The following SHISAL2B variants were observed in gnomAD, a reference collection of about 807,000 sequenced individuals.
SHISAL2B encodes shisa like 2B, also known as protein shisa-like-2B.
In SHISAL2B, 12 loss-of-function variants were observed where a neutral mutation model predicts 16.5. The ratio of observed to expected loss-of-function variants is 0.73; its 90% CI spans 0.47 to 1.18. The LOEUF is 1.18. SHISAL2B is among the 50% of genes most tolerant of loss of function. The probability of loss-of-function intolerance (pLI) is 0.00; values close to 1 mark genes in which losing one functional copy is unlikely to be tolerated. For synonymous variants in SHISAL2B, 72 were observed against 75.0 expected (o/e 0.96, Z 0.21); for missense variants, 183 against 193.6 (o/e 0.95, Z 0.33).
intron 1 of SHISAL2B, chr5:64,691,614 G>T (rs1482450195): frequency 1.3e-5 from 2 of 152,090 alleles, no homozygotes; most frequent in Non-Finnish European, 2.9e-5. Context: ...CTAAGGTGAG[G>T]TCTTTCTTGT....
At chr5:64,710,602 C>T (rs76045248) in intron 2 of SHISAL2B, among the ~76,000 whole-genome samples, 1,317 of 69,516 alleles carry the variant, frequency 0.019, 16 homozygotes, top group East Asian at 0.049. Context: ...ATGGAGATGG[C>T]ATTGAATCTG....
intron 2 of SHISAL2B, among the ~76,000 whole-genome samples, chr5:64,715,918 GT>G (rs1742042994): frequency 6.6e-6 from 1 of 152,154 alleles, no homozygotes; most frequent in African/African-American, 2.4e-5. Context: ...GAAGATGTCT[GT>G]AAGTTTTAGA....
intron 2 of SHISAL2B, among the ~76,000 whole-genome samples, chr5:64,717,491 A>G (rs1172409549): frequency 3.3e-5 from 5 of 152,172 alleles, no homozygotes; most frequent in African/African-American, 1.2e-4. Flanking sequence ...AACCACATCT[A>G]AATCAGTTAT....
chr5:64,702,139 G>C (rs1483445130), intron 2 of SHISAL2B, among the ~76,000 whole-genome samples: 1 of 151,896 alleles, frequency 6.6e-6, no homozygotes, highest in Admixed American at 6.6e-5. Context: ...GAAAATATAG[G>C]TAACTGTATT....
At chr5:64,694,435 T>C (rs1741699063) in intron 1 of SHISAL2B, among the ~76,000 whole-genome samples, 1 of 152,368 alleles carries the variant, frequency 6.6e-6, no homozygotes, top group Middle Eastern at 3.4e-3. Context: ...TCTTTCAAGA[T>C]AATGCTTTTT....
intron 2 of SHISAL2B, among the ~76,000 whole-genome samples, chr5:64,715,046 C>T (rs547067377): frequency 5.3e-5 from 8 of 152,070 alleles, no homozygotes; most frequent in African/African-American, 1.7e-4. Context: ...TGTTACTATT[C>T]GGCCATCTTG....
intron 2 of SHISAL2B, among the ~76,000 whole-genome samples, chr5:64,709,360 C>A (rs187082032): frequency 2.8e-4 from 43 of 151,710 alleles, no homozygotes; most frequent in African/African-American, 9.9e-4. Context: ...CTACAAAGGA[C>A]ATGAACTCAT....
chr5:64,710,034 A>G (rs1309239729), intron 2 of SHISAL2B, among the ~76,000 whole-genome samples: 81 of 148,984 alleles, frequency 5.4e-4, no homozygotes, highest in African/African-American at 2.0e-3. Context: ...GAAGCTCTTT[A>G]GTTTAATGAG....
chr5:64,708,449 G>A (rs2112068250), intron 2 of SHISAL2B, among the ~76,000 whole-genome samples: 1 of 152,140 alleles, frequency 6.6e-6, no homozygotes, highest in South Asian at 2.1e-4. Context: ...TTCAAAAACA[G>A]GTGAAAACCT....
Position 64,718,097 on chromosome 5 carries a change from G to T in SHISAL2B, c.*75G>T. ...ATAAAGCGTGCACTTGAAACGGTTT[G>T]TAATATTGCTTTTCAAAAATTCGTC... is the stretch of plus-strand genomic sequence containing the variant. On this transcript the variant is annotated 3_prime_UTR_variant, in exon 3 of 3. Coordinates refer to ENST00000389074, the MANE Select transcript of SHISAL2B (RefSeq NM_001164442.2). 2 of 1,285,482 alleles carry T rather than the reference G, an allele frequency of 1.6e-6. No homozygotes were observed. Among genetic ancestry groups the T allele is most frequent in the Non-Finnish European group, 2.0e-6 (2 of 988,418 alleles). 79.6% of individuals were successfully genotyped at this position (1,285,482 alleles called of 1,614,324 possible). A position where few individuals can be genotyped will look rare whatever the true frequency, so the allele number is the denominator to read the frequency against.
Position 64,690,668 on chromosome 5 carries a change from C to T in SHISAL2B, c.45C>T (p.Asn15=). 1 of 1,533,376 alleles carries T rather than the reference C, an allele frequency of 6.5e-7. No homozygotes were observed. The highest frequency in any genetic ancestry group is 8.7e-7 in the Non-Finnish European group (1 of 1,145,392). The allele number at this position is 1,533,376 out of a possible 1,614,324, so 95.0% of individuals were successfully genotyped here. A position where few individuals can be genotyped will look rare whatever the true frequency, so the allele number is the denominator to read the frequency against. ...SRLCSGYYSL[N]QSFVEPFQCP... ...TGTGCTCCGGCTACTACAGCCTCAA[C>T]CAGAGCTTCGTGGAGCCCTTCCAGT... is the stretch of plus-strand genomic sequence containing the variant. The change falls in exon 1 of 3, where the codon AAC becomes AAT. Residue 15 remains asparagine (N), a synonymous_variant. Transcript: ENST00000389074.
At chr5:64,709,850 T>C (rs1166676104) in intron 2 of SHISAL2B, among the ~76,000 whole-genome samples, 2 of 152,204 alleles carry the variant, frequency 1.3e-5, no homozygotes, top group African/African-American at 4.8e-5. Flanking sequence ...TTGAGAAGTG[T>C]CTGTTCATGT....
At chr5:64,715,424 T>C (rs527870009) in intron 2 of SHISAL2B, among the ~76,000 whole-genome samples, 1 of 152,110 alleles carries the variant, frequency 6.6e-6, no homozygotes, top group Non-Finnish European at 1.5e-5. Flanking sequence ...TGGCAGATTT[T>C]CTAAAACCTG....
chr5:64,696,448 G>T (rs2112057601), intron 2 of SHISAL2B, among the ~76,000 whole-genome samples: 1 of 152,310 alleles, frequency 6.6e-6, no homozygotes, highest in East Asian at 1.9e-4. Flanking sequence ...TGCCTGCGGG[G>T]TTGGGCAGAA....
chr5:64,704,360 T>C (rs1339288213), intron 2 of SHISAL2B, among the ~76,000 whole-genome samples: 3 of 152,262 alleles, frequency 2.0e-5, no homozygotes, highest in Non-Finnish European at 4.4e-5. Flanking sequence ...TTGGCCTACC[T>C]GTGATGAGGA....
At chr5:64,712,684 G>T (rs1177677546) in intron 2 of SHISAL2B, among the ~76,000 whole-genome samples, 1 of 151,994 alleles carries the variant, frequency 6.6e-6, no homozygotes, top group Non-Finnish European at 1.5e-5. Context: ...AAATCTCTTT[G>T]TAGGTCACTC....
At chr5:64,713,260 G>C (rs1227720327) in intron 2 of SHISAL2B, among the ~76,000 whole-genome samples, 2 of 147,424 alleles carry the variant, frequency 1.4e-5, no homozygotes, top group African/African-American at 2.6e-5. Context: ...CTCAGCATTT[G>C]CTTGTCTGTA....
At position 64,715,483 on chromosome 5, in the gene SHISAL2B, C is replaced by A. The variant is rs552467442; in HGVS notation, c.350-2406C>A. 5.3e-5 allele frequency among the ~76,000 whole-genome samples: 8 copies of A among 152,060 alleles called. No individual in the cohort carries two copies. In the South Asian group the frequency reaches 1.7e-3, roughly 32 times the overall value. ...AGGCTGGAGAATTAGAGACACTAGG[C>A]AGCTGGAAGAGGCTTGGGGCAGAGA... On this transcript the variant is annotated intron_variant, in intron 2 of 2. Transcript: ENST00000389074.
intron 2 of SHISAL2B, among the ~76,000 whole-genome samples, chr5:64,715,992 TTGA>T (rs1167729856): frequency 6.6e-6 from 1 of 152,176 alleles, no homozygotes; most frequent in Non-Finnish European, 1.5e-5. Flanking sequence ...GTAGGAACAT[TTGA>T]CACTTTTAAG....
Sources: allele counts gnomAD v4.1 joint callset (sites outside exome capture counted in the v4.1 genomes callset), GRCh38; gene constraint gnomAD v4.1.1; transcripts MANE v1.5; gene names NCBI Gene and HGNC (gene_info 2026-07-23, HGNC 2026-07-21).